Variants in LRRIQ1 observed in about 807,000 individuals in gnomAD.
LRRIQ1 encodes the protein leucine rich repeats and IQ motif containing 1.
Under a neutral mutation model 211.9 loss-of-function variants are expected in LRRIQ1, and 210 were observed. The ratio of observed to expected loss-of-function variants is 0.99; its 90% CI spans 0.89 to 1.11. The LOEUF (loss-of-function observed/expected upper bound fraction) is 1.11, where lower values mean the gene tolerates loss of function less well. Ranked by LOEUF, LRRIQ1 falls within the 50% of genes most tolerant of loss-of-function variation. The pLI is 0.00. For missense variants in LRRIQ1, 2,136 were observed against 1,939.5 expected (o/e 1.10, Z -1.90); for synonymous variants, 699 against 650.1 (o/e 1.08, Z -1.14).
intron 16 of LRRIQ1, among the ~76,000 whole-genome samples, chr12:85,123,652 T>A (rs1271560185): frequency 6.6e-6 from 1 of 152,170 alleles, no homozygotes; most frequent in African/African-American, 2.4e-5. Flanking sequence ...AAGTTCTTTG[T>A]TTAAAAGTCC....
At chr12:85,135,434 C>T (rs1463220760) in intron 18 of LRRIQ1, among the ~76,000 whole-genome samples, 2 of 151,284 alleles carry the variant, frequency 1.3e-5, no homozygotes, top group African/African-American at 2.4e-5. Context: ...TTGCCTAGAT[C>T]GATTATTGTA....
chr12:85,218,126 T>C (rs1459443457), intron 24 of LRRIQ1, among the ~76,000 whole-genome samples: 1 of 152,064 alleles, frequency 6.6e-6, no homozygotes, highest in Non-Finnish European at 1.5e-5. Context: ...CGTGTGGAAA[T>C]TGATTTTTCT....
At chr12:85,097,608 A>C (rs1886003037) in intron 11 of LRRIQ1, among the ~76,000 whole-genome samples, 1 of 152,172 alleles carries the variant, frequency 6.6e-6, no homozygotes, top group African/African-American at 2.4e-5. Context: ...TTATGGCTAC[A>C]TAATTTTAAC....
chr12:85,258,030 A>G (rs1896172603), intron 1 of LRRIQ1, among the ~76,000 whole-genome samples: 1 of 151,860 alleles, frequency 6.6e-6, no homozygotes, highest in Non-Finnish European at 1.5e-5. Context: ...AAGGTAAATA[A>G]ACAGGCAAAA....
chr12:85,238,040 A>G (rs992990978), intron 26 of LRRIQ1, among the ~76,000 whole-genome samples: 1 of 152,112 alleles, frequency 6.6e-6, no homozygotes, highest in African/African-American at 2.4e-5. Context: ...AATGTTGAGG[A>G]AACAGATTGA....
intron 2 of LRRIQ1, among the ~76,000 whole-genome samples, chr12:85,040,166 T>G (rs953301583): frequency 6.6e-6 from 1 of 151,628 alleles, no homozygotes; most frequent in Middle Eastern, 3.2e-3. Flanking sequence ...AATATTTATT[T>G]GAAGTTGGAA....
At chr12:85,125,794 A>G (rs753402150) in intron 17 of LRRIQ1, among the ~76,000 whole-genome samples, 2 of 152,176 alleles carry the variant, frequency 1.3e-5, no homozygotes, top group South Asian at 2.1e-4. Context: ...AACGTTGCCT[A>G]TTGAAATTTC....
chr12:85,168,318 AC>A (rs1392125506), intron 24 of LRRIQ1, among the ~76,000 whole-genome samples: 2 of 152,060 alleles, frequency 1.3e-5, no homozygotes, highest in Non-Finnish European at 2.9e-5. Context: ...CTCCTGTCCC[AC>A]TCATATTCCG....
intron 24 of LRRIQ1, among the ~76,000 whole-genome samples, chr12:85,182,187 AC>A (rs894512103): frequency 4.1e-4 from 63 of 152,092 alleles, no homozygotes; most frequent in African/African-American, 1.4e-3. Context: ...AAGAAGGAAA[AC>A]CGTTTCTGTT....
At chr12:85,174,701 C>CAAAAAAAAAGAAAAAAAA (rs1891596961) in intron 24 of LRRIQ1, among the ~76,000 whole-genome samples, 1 of 21,614 alleles carries the variant, frequency 4.6e-5, no homozygotes, top group Non-Finnish European at 7.7e-5. Flanking sequence ...GAGTACAGCT[C>CAAAAAAAAAGAAAAAAAA]AAAAAAAAAA....
chr12:85,258,150 CA>C (rs1896177602), intron 1 of LRRIQ1, among the ~76,000 whole-genome samples: 1 of 130,558 alleles, frequency 7.7e-6, no homozygotes, highest in African/African-American at 4.7e-5. Context: ...TAAATATACA[CA>C]GACAAAAAAA....
intron 15 of LRRIQ1, among the ~76,000 whole-genome samples, chr12:85,111,151 C>G (rs771186254): frequency 6.6e-6 from 1 of 152,050 alleles, no homozygotes; most frequent in Non-Finnish European, 1.5e-5. Context: ...GACTCAGAAA[C>G]TCAGGCTGCT....
intron 11 of LRRIQ1, among the ~76,000 whole-genome samples, chr12:85,081,602 G>T (rs1218526066): frequency 6.6e-6 from 1 of 151,544 alleles, no homozygotes; most frequent in Non-Finnish European, 1.5e-5. Flanking sequence ...AGGTGTGTGT[G>T]TTGCAGGATT....
At chr12:85,144,588 T>C (rs980627457) in intron 19 of LRRIQ1, among the ~76,000 whole-genome samples, 1 of 151,416 alleles carries the variant, frequency 6.6e-6, no homozygotes, top group South Asian at 2.1e-4. Context: ...AGGCTTGAAA[T>C]AGGAAATCAG....
In LRRIQ1 at chr12:85,036,399, T is replaced by G. The variant is rs955855510; in HGVS notation, c.-33T>G. ...TTACAACAAAGCCAAGGAATCTCGC[T>G]GCTGAGGGGTGAGCCGGGGTCTTAA... On this transcript the variant is annotated 5_prime_UTR_variant, in exon 1 of 27. Coordinates refer to ENST00000393217, the MANE Select transcript of LRRIQ1 (RefSeq NM_001079910.2). 6.6e-6 allele frequency: 1 copy of G among 152,226 alleles called. No homozygotes were observed. Among genetic ancestry groups the G allele is most frequent in the Non-Finnish European group, 1.5e-5 (1 of 68,116 alleles). The allele number at this position is 152,226 out of a possible 1,614,324, so 9.4% of individuals were successfully genotyped here.
chr12:85,066,061 G>A (rs967447746), intron 9 of LRRIQ1, among the ~76,000 whole-genome samples: 1 of 151,882 alleles, frequency 6.6e-6, no homozygotes, highest in Non-Finnish European at 1.5e-5. Context: ...GAGGTCATGT[G>A]GAAGGGGACC....
chr12:85,090,516 C>T (rs1165546160), intron 11 of LRRIQ1, among the ~76,000 whole-genome samples: 1 of 152,166 alleles, frequency 6.6e-6, no homozygotes, highest in Non-Finnish European at 1.5e-5. Flanking sequence ...GGAAGTCCAA[C>T]CCTTACAGCA....
intron 19 of LRRIQ1, among the ~76,000 whole-genome samples, chr12:85,147,315 T>C (rs986174993): frequency 6.6e-6 from 1 of 151,766 alleles, no homozygotes; most frequent in African/African-American, 2.4e-5. Context: ...TGAGAAAATT[T>C]TTCAGGAATC....
chr12:85,206,250 G>A (rs1173894419), intron 24 of LRRIQ1, among the ~76,000 whole-genome samples: 1 of 152,220 alleles, frequency 6.6e-6, no homozygotes, highest in East Asian at 1.9e-4. Context: ...GTTTCCACCT[G>A]CAGCAGTGTG....
Sources: gnomAD v4.1 joint callset for allele counts (sites outside exome capture counted in the v4.1 genomes callset) on GRCh38, gnomAD v4.1.1 for gene constraint, MANE v1.5 for transcripts, NCBI Gene and HGNC (gene_info 2026-07-23, HGNC 2026-07-21) for gene names.